GRID2: variants seen among roughly 807,000 people sequenced by gnomAD.
GRID2 encodes glutamate receptor ionotropic, delta-2.
A neutral mutation model predicts 114.8 loss-of-function variants in GRID2; 33 were observed. That is an observed-to-expected ratio of 0.29 (90% CI 0.22 to 0.38). The LOEUF is 0.38. Among genes scored for constraint, GRID2 ranks in the 10% least tolerant of loss-of-function variants. GRID2 has a pLI of 1.00. For synonymous variants in GRID2, 505 were observed against 449.9 expected, an observed-to-expected ratio of 1.12 and a Z score of -1.55; for missense variants, 1,184 against 1,257.7, an observed-to-expected ratio of 0.94 and a Z score of 0.89.
chr4:92,823,642 AT>A (rs1741455732), intron 2 of GRID2, among the ~76,000 whole-genome samples: 1 of 152,196 alleles, frequency 6.6e-6, no homozygotes, highest in Admixed American at 6.5e-5. Flanking sequence ...TCATTGCACA[AT>A]AAAAAAAATC....
intron 13 of GRID2, among the ~76,000 whole-genome samples, chr4:93,535,518 G>T (rs1227863001): frequency 1.3e-5 from 2 of 151,638 alleles, no homozygotes; most frequent in African/African-American, 4.8e-5. Context: ...CCACCAACAG[G>T]GTAACAAGGG....
intron 1 of GRID2, among the ~76,000 whole-genome samples, chr4:92,371,224 G>T (rs1729101651): frequency 6.6e-6 from 1 of 152,134 alleles, no homozygotes; most frequent in Non-Finnish European, 1.5e-5. Context: ...GCTGCAGCAG[G>T]TTATCCAGAA....
chr4:92,571,207 C>T (rs966904260), intron 1 of GRID2, among the ~76,000 whole-genome samples: 2 of 151,976 alleles, frequency 1.3e-5, no homozygotes, highest in Non-Finnish European at 2.9e-5. Context: ...GAGATAATCA[C>T]ATGGATTTTG....
intron 2 of GRID2, among the ~76,000 whole-genome samples, chr4:92,917,949 C>A (rs1030394494): frequency 6.6e-6 from 1 of 152,070 alleles, no homozygotes; most frequent in African/African-American, 2.4e-5. Flanking sequence ...GGCAGTATGG[C>A]CATTTTCACA....
In GRID2 at chr4:92,516,958, G is replaced by A. The variant is rs907585896; in HGVS notation, c.89-73173G>A. Among the ~76,000 whole-genome samples the A allele has an allele frequency of 3.3e-5, 5 of 151,994 alleles. No individual in the cohort carries two copies. The East Asian group carries it at 9.7e-4, about 30-fold the overall frequency. On this transcript the variant is annotated intron_variant, in intron 1 of 15. Coordinates refer to ENST00000282020, the MANE Select transcript of GRID2 (RefSeq NM_001510.4). The stretch of plus-strand genomic sequence containing the variant: ...ATAGCTCTGTTTTCATTTTAAGGAT[G>A]TGACTAATAAGCACCATTAACAAGG...
rs116739505 is a variant in GRID2 at position 92,758,401 on chromosome 4, C to T, written c.244+168115C>T. Among the ~76,000 whole-genome samples, 801 of 151,716 alleles carry T rather than the reference C, an allele frequency of 5.3e-3. 3 individuals are homozygous for T. Among genetic ancestry groups the T allele is most frequent in the African/African-American group, 0.018 (761 of 41,480 alleles). On this transcript the variant is annotated intron_variant, in intron 2 of 15. Coordinates refer to ENST00000282020, the MANE Select transcript of GRID2 (RefSeq NM_001510.4). Reference sequence around the variant, plus strand: ...ACCAACAAGAACCCTTTTTTTGTTACGACAACTATATTTTAAGTCTTGTTT... The same window carrying T: ...ACCAACAAGAACCCTTTTTTTGTTATGACAACTATATTTTAAGTCTTGTTT...
intron 2 of GRID2, among the ~76,000 whole-genome samples, chr4:92,720,159 A>T (rs146599974): frequency 1.5e-4 from 23 of 152,202 alleles, no homozygotes; most frequent in African/African-American, 5.3e-4. Context: ...TTTACTGTAC[A>T]TTAATTTTCA....
chr4:92,991,217 G>C (rs888836714), intron 2 of GRID2, among the ~76,000 whole-genome samples: 3 of 152,100 alleles, frequency 2.0e-5, no homozygotes, highest in Admixed American at 2.0e-4. Context: ...GAATCTTGCA[G>C]GGCTGTAATA....
intron 8 of GRID2, among the ~76,000 whole-genome samples, chr4:93,316,764 G>T (rs1343058266): frequency 1.3e-5 from 2 of 152,130 alleles, no homozygotes; most frequent in Admixed American, 6.6e-5. Flanking sequence ...GCAACAGTGG[G>T]CTGTGTTAAA....
intron 2 of GRID2, among the ~76,000 whole-genome samples, chr4:92,943,683 C>T (rs1032276011): frequency 3.0e-4 from 45 of 152,118 alleles, no homozygotes; most frequent in African/African-American, 1.0e-3. Context: ...AGTTTTTCTG[C>T]TCTGTTTTTT....
chr4:93,449,401 A>G (rs939177786), intron 10 of GRID2, among the ~76,000 whole-genome samples: 1 of 152,090 alleles, frequency 6.6e-6, no homozygotes, highest in Non-Finnish European at 1.5e-5. Context: ...TGGAATTGTC[A>G]TATTCAAAAT....
chr4:92,783,133 AATTAT>A (rs918527040), intron 2 of GRID2, among the ~76,000 whole-genome samples: 4 of 152,200 alleles, frequency 2.6e-5, no homozygotes, highest in African/African-American at 9.6e-5. Flanking sequence ...ATGCTTATAA[AATTAT>A]ATTCATAGCT....
chr4:93,130,243 C>T lies in GRID2; in HGVS notation c.735+19290C>T, dbSNP rs183406971. On this transcript the variant is annotated intron_variant, in intron 4 of 15. Coordinates refer to ENST00000282020, the MANE Select transcript of GRID2 (RefSeq NM_001510.4). ...TCACTTGAGCCCAGGAATTTGAGAC[C>T]AGCCTGGGCAACATGATGAGATCCT... Among the ~76,000 whole-genome samples, 438 of 152,206 alleles carry T rather than the reference C, an allele frequency of 2.9e-3. 1 individual carries two copies. Among genetic ancestry groups the T allele is most frequent in the Middle Eastern group, 0.01 (3 of 294 alleles).
At chr4:93,432,163 G>A (rs1190126754) in intron 10 of GRID2, among the ~76,000 whole-genome samples, 2 of 152,140 alleles carry the variant, frequency 1.3e-5, no homozygotes, top group Non-Finnish European at 2.9e-5. Flanking sequence ...TAGATCAGTG[G>A]CACTAAAGAC....
At chr4:92,498,282 A>G (rs1045123687) in intron 1 of GRID2, among the ~76,000 whole-genome samples, 3 of 151,896 alleles carry the variant, frequency 2.0e-5, no homozygotes, top group Admixed American at 2.0e-4. Flanking sequence ...TCAGTTCACA[A>G]TTGGATTGCA....
intron 4 of GRID2, among the ~76,000 whole-genome samples, chr4:93,201,144 C>G (rs1319448027): frequency 1.3e-5 from 2 of 152,120 alleles, no homozygotes; most frequent in Non-Finnish European, 2.9e-5. Context: ...TAATATCAAT[C>G]AGTGAAATAG....
intron 14 of GRID2, among the ~76,000 whole-genome samples, chr4:93,678,136 G>A (rs1725103588): frequency 1.3e-5 from 2 of 152,162 alleles, no homozygotes; most frequent in South Asian, 4.1e-4. Context: ...GAATGTAGAA[G>A]CCTCAGGAGC....
intron 2 of GRID2, among the ~76,000 whole-genome samples, chr4:92,755,313 T>C (rs2217789): frequency 6.6e-6 from 1 of 152,184 alleles, no homozygotes; most frequent in Admixed American, 6.6e-5. Context: ...GCACTGGGGA[T>C]ACAGTGAGAA....
chr4:93,073,078 T>C (rs115171319), intron 2 of GRID2, among the ~76,000 whole-genome samples: 209 of 152,286 alleles, frequency 1.4e-3, no homozygotes, highest in African/African-American at 4.7e-3. Flanking sequence ...CAGTAAAAAG[T>C]AACCTCTCAC....
Sources: allele counts gnomAD v4.1 joint callset (sites outside exome capture counted in the v4.1 genomes callset), GRCh38; gene constraint gnomAD v4.1.1; transcripts MANE v1.5; gene names NCBI Gene and HGNC (gene_info 2026-07-23, HGNC 2026-07-21).